MYO9B: variants seen among roughly 807,000 people sequenced by gnomAD.
MYO9B encodes unconventional myosin-IXb.
Under a neutral mutation model 229.5 loss-of-function variants are expected in MYO9B, and 71 were observed. That is an observed-to-expected ratio of 0.31 (90% confidence interval 0.26 to 0.38). The LOEUF (loss-of-function observed/expected upper bound fraction) is 0.38, where lower values mean the gene tolerates loss of function less well. MYO9B is among the 10% of genes least tolerant of loss of function. The pLI is 1.00. For missense variants in MYO9B, 2,255 were observed against 2,920.5 expected (o/e 0.77, Z 5.25); for synonymous variants, 1,185 against 1,235.8 (o/e 0.96, Z 0.86).
intron 3 of MYO9B, among the ~76,000 whole-genome samples, chr19:17,149,392 T>G (rs2072452556): frequency 1.3e-5 from 2 of 152,138 alleles, no homozygotes; most frequent in Admixed American, 1.3e-4. Flanking sequence ...GCTAAATGGT[T>G]TAGCCTCCCC....
chr19:17,098,270 G>T (rs933457785), intron 1 of MYO9B, among the ~76,000 whole-genome samples: 1 of 152,144 alleles, frequency 6.6e-6, no homozygotes, highest in Non-Finnish European at 1.5e-5. Context: ...GGTCAGGCTG[G>T]TCTTGAACTC....
At chr19:17,168,149 A>G in intron 11 of MYO9B, 85 bp downstream of exon 11, 1 of 1,525,204 alleles carries the variant, frequency 6.6e-7, no homozygotes. Flanking sequence ...CTTACCCCAA[A>G]TCCAGACTTT....
chr19:17,115,594 G>A (rs887854790), intron 2 of MYO9B, among the ~76,000 whole-genome samples: 15 of 150,568 alleles, frequency 1.0e-4, no homozygotes, highest in African/African-American at 2.2e-4. Flanking sequence ...TCAGCCTCCC[G>A]AGTAGTTGGT....
Position 17,191,231 on chromosome 19 carries a change from T to C in MYO9B, c.2811+12T>C, listed in dbSNP as rs1444196135. On this transcript the variant is annotated intron_variant, in intron 20 of 39. Transcript: ENST00000682292. ...TCGGGAAGACCAAGGTCAGCGCTCC[T>C]GCCCCTCGGGGCACTACAAACCCAC... 6.2e-7 allele frequency: 1 copy of C among 1,609,430 alleles called. No individual in the cohort carries two copies. The highest frequency in any genetic ancestry group is 1.3e-5 in the African/African-American group (1 of 74,782).
chr19:17,130,493 G>A (rs1169654322), intron 2 of MYO9B, among the ~76,000 whole-genome samples: 6 of 152,206 alleles, frequency 3.9e-5, no homozygotes, highest in Non-Finnish European at 7.4e-5. Context: ...GGTGGTGGGC[G>A]CCTGTAGTCC....
intron 1 of MYO9B, among the ~76,000 whole-genome samples, chr19:17,087,711 C>T (rs1257260780): frequency 6.6e-6 from 1 of 152,106 alleles, no homozygotes; most frequent in Non-Finnish European, 1.5e-5. Flanking sequence ...GGGTGGATCA[C>T]CTGAAGTCAA....
In MYO9B at chr19:17,101,904, T is replaced by C. The variant is rs766707067; in HGVS notation, c.187T>C (p.Tyr63His). ...ASLRLDGTKC[Y>H]VLVEVKESGG... The stretch of plus-strand genomic sequence containing the variant: ...CCTGCGGCTGGACGGCACCAAATGT[T>C]ATGTGCTGGTGGAGGTCAAAGAGTC... Residue 63 changes from tyrosine (Y) to histidine (H), a missense_variant, in exon 2 of 40, where the codon TAT (tyrosine) becomes CAT (histidine). Coordinates refer to ENST00000682292, the MANE Select transcript of MYO9B (RefSeq NM_004145.4). The surrounding 1 kb of genome is among the most constrained non-coding windows in gnomAD (Gnocchi z 4.7). The C allele has an allele frequency of 1.9e-6, 3 of 1,613,388 alleles. No individual in the cohort carries two copies. Among genetic ancestry groups the C allele is most frequent in the Non-Finnish European group, 2.5e-6 (3 of 1,179,808 alleles).
intron 2 of MYO9B, among the ~76,000 whole-genome samples, chr19:17,125,763 CCA>C (rs1445801390): frequency 6.6e-6 from 1 of 152,202 alleles, no homozygotes; most frequent in Non-Finnish European, 1.5e-5. Context: ...TGACCAGCAA[CCA>C]GCTATCGAGA....
chr19:17,212,651 A>G lies in MYO9B; in HGVS notation c.*341A>G, dbSNP rs2073244879. 1 of 297,998 alleles carries G rather than the reference A, an allele frequency of 3.4e-6. No individual in the cohort carries two copies. Among genetic ancestry groups the G allele is most frequent in the African/African-American group, 2.2e-5 (1 of 45,934 alleles). The allele number at this position is 297,998 out of a possible 1,614,324, so 18.5% of individuals were successfully genotyped here. On this transcript the variant is annotated 3_prime_UTR_variant, in exon 40 of 40. Transcript: ENST00000682292. This position sits in a 1 kb window ranked among gnomAD's most constrained non-coding sequence, Gnocchi z 5.4. Reference sequence around the variant, plus strand: ...TAAACTGTAACAGCCTTAATGGAAGACCAAATGGTTTTTTATATGTGTATG... The same window carrying G: ...TAAACTGTAACAGCCTTAATGGAAGGCCAAATGGTTTTTTATATGTGTATG...
chr19:17,143,332 T>C (rs1243060891), intron 2 of MYO9B, among the ~76,000 whole-genome samples: 6 of 152,140 alleles, frequency 3.9e-5, no homozygotes, highest in Non-Finnish European at 7.4e-5. Flanking sequence ...TACACCTCTG[T>C]ATTTTTCAGG....
At chr19:17,133,449 A>T (rs545287815) in intron 2 of MYO9B, among the ~76,000 whole-genome samples, 1 of 151,946 alleles carries the variant, frequency 6.6e-6, no homozygotes, top group East Asian at 1.9e-4. Context: ...GGTAACCAGT[A>T]TTCTACTTTC....
intron 2 of MYO9B, among the ~76,000 whole-genome samples, chr19:17,131,468 C>T (rs1288680987): frequency 6.6e-6 from 1 of 152,194 alleles, no homozygotes; most frequent in African/African-American, 2.4e-5. Flanking sequence ...AGGGTTTCAC[C>T]GTGTTGGCCA....
chr19:17,205,672 C>T (rs1263627293), intron 31 of MYO9B, among the ~76,000 whole-genome samples: 1 of 152,148 alleles, frequency 6.6e-6, no homozygotes, highest in Admixed American at 6.5e-5. Flanking sequence ...GAGTCAGGGT[C>T]TACTTCTGTG....
chr19:17,200,844 C>T lies in MYO9B; in HGVS notation c.4563+15C>T, dbSNP rs779772760. ...TGCTCAACAAGGTGGGATCACTAGG[C>T]GAGGGCCAGGGGCATGAGGCCCGGT... is the stretch of plus-strand genomic sequence containing the variant. On this transcript the variant is annotated intron_variant, in intron 26 of 39. Coordinates refer to ENST00000682292, the MANE Select transcript of MYO9B (RefSeq NM_004145.4). The T allele has an allele frequency of 1.5e-5, 24 of 1,611,164 alleles. No individual in the cohort carries two copies. Among genetic ancestry groups the T allele is most frequent in the African/African-American group, 1.3e-4 (10 of 74,912 alleles).
intron 2 of MYO9B, among the ~76,000 whole-genome samples, chr19:17,138,964 G>A (rs1316580598): frequency 1.3e-5 from 2 of 152,116 alleles, no homozygotes; most frequent in Admixed American, 1.3e-4. Context: ...CTGAGGTCAG[G>A]AGTTCAAGAC....
chr19:17,206,872 G>A (rs1262158746), intron 34 of MYO9B, 88 bp downstream of exon 34: 18 of 1,321,164 alleles, frequency 1.4e-5, no homozygotes, highest in Middle Eastern at 3.6e-4. Flanking sequence ...CCGAGCTGGC[G>A]TTCTGTGGTG....
At chr19:17,112,867 G>A (rs972578542) in intron 2 of MYO9B, among the ~76,000 whole-genome samples, 4 of 152,224 alleles carry the variant, frequency 2.6e-5, no homozygotes, top group African/African-American at 4.8e-5. Context: ...GCCATACAGG[G>A]AGGTGAGTTT....
At chr19:17,189,161 CA>C (rs35791077) in intron 19 of MYO9B, among the ~76,000 whole-genome samples, 264 of 133,564 alleles carry the variant, frequency 2.0e-3, no homozygotes, top group Non-Finnish European at 1.8e-3. Flanking sequence ...AACTCTGCCT[CA>C]AAAAAAAAAA....
chr19:17,192,302 G>C (rs1005484968), intron 20 of MYO9B, among the ~76,000 whole-genome samples: 115 of 147,726 alleles, frequency 7.8e-4, no homozygotes, highest in African/African-American at 2.8e-3. Flanking sequence ...AAAAAAAAAG[G>C]GGGGGCCACA....
Sources: gnomAD v4.1 joint callset for allele counts (sites outside exome capture counted in the v4.1 genomes callset) on GRCh38, gnomAD v4.1.1 for gene constraint, Gnocchi (gnomAD v3.1) non-coding constraint, MANE v1.5 for transcripts, NCBI Gene and HGNC (gene_info 2026-07-23, HGNC 2026-07-21) for gene names.